Variants in PTPRT observed in about 807,000 individuals in gnomAD.
The protein encoded by PTPRT is protein tyrosine phosphatase receptor type T.
Under a neutral mutation model 176.8 loss-of-function variants are expected in PTPRT, and 56 were observed. That is an observed-to-expected ratio of 0.32 (90% CI 0.26 to 0.40). The LOEUF is 0.40. PTPRT is among the 10% of genes least tolerant of loss of function. The pLI is 1.00. For missense variants in PTPRT, 1,540 were observed against 1,908.2 expected (o/e 0.81, Z 3.60); for synonymous variants, 783 against 739.0 (o/e 1.06, Z -0.96).
chr20:42,423,926 G>C (rs1178768616), intron 9 of PTPRT, among the ~76,000 whole-genome samples: 1 of 151,970 alleles, frequency 6.6e-6, no homozygotes, highest in African/African-American at 2.4e-5. Context: ...CAGGTACTAG[G>C]AGAAAAAAAT....
chr20:42,171,535 C>T (rs1172945386), intron 16 of PTPRT, among the ~76,000 whole-genome samples: 1 of 152,102 alleles, frequency 6.6e-6, no homozygotes, highest in Non-Finnish European at 1.5e-5. Context: ...TCCTGACACT[C>T]TTAATTGAAG....
At position 42,756,565 on chromosome 20, in the gene PTPRT, G is replaced by C. The variant is rs766604520; in HGVS notation, c.756C>G (p.Val252=). ...VVNHRRFSAT[V]SVADTAQRSV... ...TCCGCTGGGCAGTGTCTGCCACACTGACTGTGGCTGAGAAGCGCCTGTGGT... is the reference window on the plus strand; with the variant it reads ...TCCGCTGGGCAGTGTCTGCCACACTCACTGTGGCTGAGAAGCGCCTGTGGT... Residue 252 remains valine (V), a synonymous_variant, in exon 6 of 31, where the codon GTC becomes GTG. Transcript: ENST00000373187. The C allele has an allele frequency of 1.2e-6, 2 of 1,612,854 alleles. No homozygotes were observed. Among genetic ancestry groups the C allele is most frequent in the African/African-American group, 2.7e-5 (2 of 75,040 alleles).
At chr20:42,409,481 C>CAAAAAAAAAAAAAAAAA (rs58932390) in intron 9 of PTPRT, among the ~76,000 whole-genome samples, 3 of 112,144 alleles carry the variant, frequency 2.7e-5, no homozygotes, top group African/African-American at 3.6e-5. Context: ...GACTCTGTCG[C>CAAAAAAAAAAAAAAAAA]AAAAAAAAAA....
intron 2 of PTPRT, among the ~76,000 whole-genome samples, chr20:42,839,976 C>T (rs1216103611): frequency 6.6e-6 from 1 of 152,130 alleles, no homozygotes; most frequent in Non-Finnish European, 1.5e-5. Context: ...ATGTTGTTTA[C>T]TAGTATATTG....
Position 42,976,406 on chromosome 20 carries a change from TA to T in PTPRT, c.89-90475del, listed in dbSNP as rs1453332787. 2.5e-4 allele frequency among the ~76,000 whole-genome samples: 37 copies of T among 150,894 alleles called. No homozygotes were observed. The East Asian group carries it at 4.6e-3, about 19-fold the overall frequency. ...TAAAGTATAGTATGCATTTTTTATT[TA>T]TTTTTTTTTTTTTATTGAGACAGAG... On this transcript the variant is annotated intron_variant, in intron 1 of 30. Coordinates refer to ENST00000373187, the MANE Select transcript of PTPRT (RefSeq NM_007050.6).
At chr20:42,155,000 C>A (rs1989291654) in intron 17 of PTPRT, among the ~76,000 whole-genome samples, 2 of 152,132 alleles carry the variant, frequency 1.3e-5, no homozygotes, top group African/African-American at 4.8e-5. Flanking sequence ...CAGAGCATGC[C>A]AGGGGATGTG....
chr20:42,326,574 C>A (rs1236754392), intron 11 of PTPRT, among the ~76,000 whole-genome samples: 1 of 152,066 alleles, frequency 6.6e-6, no homozygotes, highest in Non-Finnish European at 1.5e-5. Flanking sequence ...AGAATAGAGT[C>A]CTTTAAAAAT....
intron 7 of PTPRT, among the ~76,000 whole-genome samples, chr20:42,652,555 A>G (rs753552334): frequency 3.5e-4 from 53 of 151,684 alleles, no homozygotes; most frequent in Non-Finnish European, 5.5e-4. Context: ...CCTCCCCTTC[A>G]CTCATGAGTC....
At chr20:43,028,428 C>A (rs986705666) in intron 1 of PTPRT, among the ~76,000 whole-genome samples, 1 of 152,226 alleles carries the variant, frequency 6.6e-6, no homozygotes, top group African/African-American at 2.4e-5. Flanking sequence ...AAAATACTCT[C>A]TCTTCCTCGA....
intron 6 of PTPRT, among the ~76,000 whole-genome samples, chr20:42,713,635 T>C (rs2076179292): frequency 6.6e-6 from 1 of 152,196 alleles, no homozygotes; most frequent in African/African-American, 2.4e-5. Flanking sequence ...TGATACAGTT[T>C]GGATGTGTGT....
chr20:42,462,272 T>C (rs543631671), intron 8 of PTPRT, among the ~76,000 whole-genome samples: 1 of 152,118 alleles, frequency 6.6e-6, no homozygotes, highest in Admixed American at 6.5e-5. Context: ...ACTAGAGGGA[T>C]GAATGGGCCA....
At chr20:42,393,469 C>T (rs1238845254) in intron 9 of PTPRT, among the ~76,000 whole-genome samples, 1 of 152,072 alleles carries the variant, frequency 6.6e-6, no homozygotes, top group Non-Finnish European at 1.5e-5. Context: ...CACTCATACA[C>T]CTCAAACATC....
chr20:42,839,118 C>T (rs1223837027), intron 2 of PTPRT, among the ~76,000 whole-genome samples: 1 of 152,110 alleles, frequency 6.6e-6, no homozygotes, highest in East Asian at 1.9e-4. Context: ...AGAAGAAGGG[C>T]ACAGGTGCTG....
At chr20:42,708,189 CA>C (rs1178822264) in intron 6 of PTPRT, among the ~76,000 whole-genome samples, 1 of 152,074 alleles carries the variant, frequency 6.6e-6, no homozygotes, top group Admixed American at 6.5e-5. Context: ...AACAAAAAAT[CA>C]AAGAGACTTT....
intron 2 of PTPRT, among the ~76,000 whole-genome samples, chr20:42,833,272 G>GAA (rs5841475): frequency 5.9e-5 from 8 of 134,810 alleles, no homozygotes; most frequent in Admixed American, 2.2e-4. Flanking sequence ...GAAATTAAAA[G>GAA]AAAAAAAAAA....
chr20:42,964,892 T>C (rs892510561), intron 1 of PTPRT, among the ~76,000 whole-genome samples: 18 of 152,298 alleles, frequency 1.2e-4, no homozygotes, highest in Admixed American at 3.9e-4. Flanking sequence ...AAGTTAAAAA[T>C]CATATATCAA....
chr20:43,185,554 T>C (rs1246433249), intron 1 of PTPRT, among the ~76,000 whole-genome samples: 1 of 152,150 alleles, frequency 6.6e-6, no homozygotes, highest in Admixed American at 6.5e-5. Context: ...AATGGCCAGA[T>C]TTACTAGTGT....
intron 1 of PTPRT, among the ~76,000 whole-genome samples, chr20:43,112,407 G>A (rs141910946): frequency 1.1e-4 from 17 of 152,192 alleles, no homozygotes; most frequent in Non-Finnish European, 2.1e-4. Context: ...ATAATGAGAC[G>A]TACCTGCTTT....
chr20:42,405,667 T>C (rs3091743), intron 9 of PTPRT, among the ~76,000 whole-genome samples: 126,315 of 152,154 alleles, frequency 0.83, 52,698 homozygotes, highest in Admixed American at 0.87. Flanking sequence ...GTGCATGTGT[T>C]TTTATAGCAG....
Sources: gnomAD v4.1 joint callset for allele counts (sites outside exome capture counted in the v4.1 genomes callset) on GRCh38, gnomAD v4.1.1 for gene constraint, MANE v1.5 for transcripts, NCBI Gene and HGNC (gene_info 2026-07-23, HGNC 2026-07-21) for gene names.